The following LRP1B variants were observed in gnomAD, a reference collection of about 807,000 sequenced individuals.
The protein encoded by LRP1B is LDL receptor related protein 1B.
Under a neutral mutation model 556.6 loss-of-function variants are expected in LRP1B, and 217 were observed. The ratio of observed to expected loss-of-function variants is 0.39; its 90% CI spans 0.35 to 0.44. LRP1B has a LOEUF of 0.44. Ranked by LOEUF, LRP1B falls within the 20% of genes least tolerant of loss-of-function variation. The pLI is 1.00. For missense variants in LRP1B, 5,053 were observed against 5,620.8 expected (o/e 0.90, Z 3.23); for synonymous variants, 2,047 against 1,865.8 (o/e 1.10, Z -2.50).
chr2:141,830,557 C>A (rs1217736204), intron 1 of LRP1B, among the ~76,000 whole-genome samples: 1 of 151,718 alleles, frequency 6.6e-6, no homozygotes, highest in Admixed American at 6.6e-5. Flanking sequence ...CAGCAACTTG[C>A]AGTGACAAAT....
intron 2 of LRP1B, among the ~76,000 whole-genome samples, 172 bp downstream of exon 2, chr2:141,810,107 G>GAA (rs1291908688): frequency 1.4e-4 from 18 of 127,096 alleles, no homozygotes; most frequent in African/African-American, 5.0e-4. Flanking sequence ...AAGAAAGAAA[G>GAA]AAAGAAAAAG....
At position 141,058,818 on chromosome 2, in the gene LRP1B, G is replaced by A. The variant is rs181642901; in HGVS notation, c.1408+65C>T. 381 of 1,348,614 alleles carry A rather than the reference G, an allele frequency of 2.8e-4. 1 individual carries two copies. In the African/African-American group the frequency reaches 5.0e-3, roughly 18 times the overall value. 83.5% of individuals were successfully genotyped at this position (1,348,614 alleles called of 1,614,324 possible). On this transcript the variant is annotated intron_variant, in intron 9 of 90. Transcript: ENST00000389484. ...TCACTCACTTCAACACCATACAAAAGCACAAGGACTATATCCCCATTCAAT... is the reference window on the plus strand; with the variant it reads ...TCACTCACTTCAACACCATACAAAAACACAAGGACTATATCCCCATTCAAT...
chr2:141,899,218 C>G (rs1214920076), intron 1 of LRP1B, among the ~76,000 whole-genome samples: 2 of 152,098 alleles, frequency 1.3e-5, no homozygotes, highest in African/African-American at 4.8e-5. Flanking sequence ...TTAATTGAGA[C>G]TGCTTGTACG....
intron 3 of LRP1B, among the ~76,000 whole-genome samples, chr2:141,427,357 A>T (rs1213246023): frequency 6.6e-6 from 1 of 152,204 alleles, no homozygotes; most frequent in Non-Finnish European, 1.5e-5. Flanking sequence ...AATAAATTTT[A>T]AAAAGTTCAG....
intron 35 of LRP1B, among the ~76,000 whole-genome samples, chr2:140,734,311 T>G (rs1017991922): frequency 6.6e-6 from 1 of 152,176 alleles, no homozygotes; most frequent in African/African-American, 2.4e-5. Flanking sequence ...AAAGCCTACA[T>G]CAATTTGGGG....
At chr2:140,290,638 G>A (rs189436587) in intron 84 of LRP1B, among the ~76,000 whole-genome samples, 15 of 152,192 alleles carry the variant, frequency 9.9e-5, no homozygotes, top group Admixed American at 9.2e-4. Context: ...TGAAAAGATT[G>A]TTCTCTTTTC....
intron 1 of LRP1B, among the ~76,000 whole-genome samples, chr2:141,877,864 T>C (rs2104887105): frequency 6.6e-6 from 1 of 152,110 alleles, no homozygotes; most frequent in South Asian, 2.1e-4. Flanking sequence ...CTCACCAAGA[T>C]TGATCAGTTA....
At chr2:141,351,586 G>T (rs1195155890) in intron 3 of LRP1B, among the ~76,000 whole-genome samples, 1 of 151,900 alleles carries the variant, frequency 6.6e-6, no homozygotes, top group Admixed American at 6.6e-5. Context: ...AGTCATTCAT[G>T]TATCAAATGT....
At chr2:141,924,900 T>C (rs568539828) in intron 1 of LRP1B, among the ~76,000 whole-genome samples, 1 of 152,226 alleles carries the variant, frequency 6.6e-6, no homozygotes, top group African/African-American at 2.4e-5. Flanking sequence ...TGAAATGAGA[T>C]TGATTTTTCT....
At chr2:141,189,816 AG>A (rs202041934) in intron 6 of LRP1B, among the ~76,000 whole-genome samples, 2,224 of 152,124 alleles carry the variant, frequency 0.015, 22 homozygotes, top group Middle Eastern at 0.037. Context: ...GCTTAGAAAA[AG>A]GTATCCCAAA....
chr2:140,773,291 C>T (rs549397249), intron 33 of LRP1B, among the ~76,000 whole-genome samples: 1 of 152,106 alleles, frequency 6.6e-6, no homozygotes, highest in African/African-American at 2.4e-5. Flanking sequence ...ATGGTGAAAC[C>T]CCGTCTCTGC....
intron 37 of LRP1B, among the ~76,000 whole-genome samples, chr2:140,708,730 A>C (rs1483586685): frequency 1.3e-5 from 2 of 151,912 alleles, no homozygotes; most frequent in Admixed American, 1.3e-4. Context: ...TGTACATTCA[A>C]TATATATTTG....
intron 32 of LRP1B, 105 bp downstream of exon 32, chr2:140,813,552 T>A (rs984500340): frequency 7.6e-6 from 7 of 923,472 alleles, no homozygotes; most frequent in Non-Finnish European, 1.2e-5. Context: ...TTGAATATAG[T>A]TCTGGTGTTA....
chr2:141,688,495 C>T (rs1181258569), intron 2 of LRP1B, among the ~76,000 whole-genome samples: 1 of 151,736 alleles, frequency 6.6e-6, no homozygotes, highest in Non-Finnish European at 1.5e-5. Flanking sequence ...GTAAATAGTG[C>T]TACAGAAATA....
At chr2:142,050,390 A>C (rs1449503) in intron 1 of LRP1B, among the ~76,000 whole-genome samples, 71,791 of 151,794 alleles carry the variant, frequency 0.47, 17,699 homozygotes, top group East Asian at 0.69. Flanking sequence ...AAGCCATAAA[A>C]GTTACTGAAA....
At chr2:141,442,559 C>A (rs1459255464) in intron 3 of LRP1B, among the ~76,000 whole-genome samples, 1 of 151,852 alleles carries the variant, frequency 6.6e-6, no homozygotes, top group Admixed American at 6.6e-5. Context: ...AGGTATTTCT[C>A]CTAATGCTAT....
intron 1 of LRP1B, among the ~76,000 whole-genome samples, chr2:141,889,255 C>T (rs12618032): frequency 0.43 from 65,980 of 151,788 alleles, 14,531 homozygotes; most frequent in Admixed American, 0.51. Context: ...GGAAAATTTA[C>T]CTCAGAGGAG....
intron 41 of LRP1B, among the ~76,000 whole-genome samples, chr2:140,632,375 A>G (rs935935953): frequency 1.3e-5 from 2 of 152,200 alleles, no homozygotes; most frequent in African/African-American, 4.8e-5. Flanking sequence ...TGAAGAAGAA[A>G]TAGGGAAAAC....
In LRP1B at chr2:141,256,858, A is replaced by G. The variant is rs190756377; in HGVS notation, c.344-2217T>C. 1.6e-4 allele frequency among the ~76,000 whole-genome samples: 25 copies of G among 152,208 alleles called. No individual in the cohort carries two copies. The East Asian group carries it at 4.7e-3, about 28-fold the overall frequency. ...ATCAATTTGGAAGTCACAAGCATAA[A>G]GTCGGTCATTGAAACCTAAAAAGTA... On this transcript the variant is annotated intron_variant, in intron 3 of 90. Coordinates refer to ENST00000389484, the MANE Select transcript of LRP1B (RefSeq NM_018557.3).
Sources: allele counts gnomAD v4.1 joint callset (sites outside exome capture counted in the v4.1 genomes callset), GRCh38; gene constraint gnomAD v4.1.1; transcripts MANE v1.5; gene names NCBI Gene and HGNC (gene_info 2026-07-23, HGNC 2026-07-21).